The following CSMD1 variants were observed in gnomAD, a reference collection of about 807,000 sequenced individuals.
CSMD1 encodes the protein CUB and sushi domain-containing protein 1.
In CSMD1, 213 loss-of-function variants were observed where a neutral mutation model predicts 417.5. That is an observed-to-expected ratio of 0.51 (90% CI 0.46 to 0.57). The LOEUF is 0.57. Ranked by LOEUF, CSMD1 falls within the 20% of genes least tolerant of loss-of-function variation. The probability of loss-of-function intolerance (pLI) is 0.00; values close to 1 mark genes in which losing one functional copy is unlikely to be tolerated. For synonymous variants in CSMD1, 2,862 were observed against 1,736.8 expected, an observed-to-expected ratio of 1.65 and a Z score of -16.11; for missense variants, 6,923 against 4,529.7, an observed-to-expected ratio of 1.53 and a Z score of -15.17.
At chr8:3,287,040 A>G (rs1338954987) in intron 25 of CSMD1, among the ~76,000 whole-genome samples, 1 of 152,076 alleles carries the variant, frequency 6.6e-6, no homozygotes, top group Non-Finnish European at 1.5e-5. Flanking sequence ...CTTTCTACAT[A>G]TGGCTAGCCA....
intron 10 of CSMD1, among the ~76,000 whole-genome samples, chr8:3,544,834 C>T (rs753124190): frequency 5.3e-5 from 8 of 152,100 alleles, no homozygotes; most frequent in South Asian, 2.1e-4. Flanking sequence ...TGACAAGACA[C>T]GTGCTAGTCC....
At chr8:3,272,329 G>A (rs78730763) in intron 26 of CSMD1, among the ~76,000 whole-genome samples, 2 of 139,418 alleles carry the variant, frequency 1.4e-5, no homozygotes, top group African/African-American at 2.6e-5. Flanking sequence ...TTTTGGTTAC[G>A]GTAGCCTTGT....
At chr8:3,044,745 G>A (rs561081228) in intron 50 of CSMD1, among the ~76,000 whole-genome samples, 1 of 152,256 alleles carries the variant, frequency 6.6e-6, no homozygotes, top group African/African-American at 2.4e-5. Flanking sequence ...AAAAACCTGA[G>A]GGTGAAACGA....
chr8:4,944,517 G>A (rs1022529097), intron 1 of CSMD1, among the ~76,000 whole-genome samples: 4 of 152,140 alleles, frequency 2.6e-5, no homozygotes, highest in African/African-American at 7.2e-5. Flanking sequence ...ACACATCAGA[G>A]ACTCAGACTC....
At chr8:3,480,727 G>A (rs543310447) in intron 11 of CSMD1, among the ~76,000 whole-genome samples, 2 of 152,224 alleles carry the variant, frequency 1.3e-5, no homozygotes, top group South Asian at 4.2e-4. Flanking sequence ...CAATGACAAT[G>A]ATTTTCCCAT....
chr8:4,784,279 G>T (rs538472567), intron 1 of CSMD1, among the ~76,000 whole-genome samples: 12 of 152,312 alleles, frequency 7.9e-5, no homozygotes, highest in Admixed American at 7.8e-4. Flanking sequence ...CCTTCCTCTA[G>T]TTCTATAACT....
At chr8:4,388,208 A>T (rs187042332) in intron 3 of CSMD1, among the ~76,000 whole-genome samples, 11 of 152,258 alleles carry the variant, frequency 7.2e-5, no homozygotes, top group Admixed American at 6.5e-4. Context: ...TACGAAAAAG[A>T]TATTTGCACA....
At position 3,711,071 on chromosome 8, in the gene CSMD1, T is replaced by C. The variant is rs894653181; in HGVS notation, c.932-2580A>G. Among the ~76,000 whole-genome samples the C allele has an allele frequency of 2.0e-5, 3 of 152,106 alleles. No individual in the cohort carries two copies. The South Asian group carries it at 6.2e-4, about 31-fold the overall frequency. ...CTGCCAAGTCTGAGATATTTTCCTA[T>C]AGCAAATGTTTGCTATATTTCCTAT... On this transcript the variant is annotated intron_variant, in intron 6 of 69. Coordinates refer to ENST00000635120, the MANE Select transcript of CSMD1 (RefSeq NM_033225.6).
chr8:3,307,918 T>TATAC, intron 24 of CSMD1, 97 bp from the exon 25 acceptor site: 1 of 1,310,560 alleles, frequency 7.6e-7, no homozygotes, highest in South Asian at 1.5e-5. Flanking sequence ...GTCTGCATTA[T>TATAC]ATACATAGAG....
chr8:3,979,989 G>C (rs564808945), intron 5 of CSMD1, among the ~76,000 whole-genome samples: 1 of 152,316 alleles, frequency 6.6e-6, no homozygotes, highest in East Asian at 1.9e-4. Context: ...GAACTGGGTT[G>C]AACAACTCAC....
chr8:3,720,682 T>C (rs1283669289), intron 6 of CSMD1, among the ~76,000 whole-genome samples: 2 of 150,740 alleles, frequency 1.3e-5, no homozygotes, highest in Non-Finnish European at 2.9e-5. Flanking sequence ...TCATGACCCA[T>C]GGGAAGCTTA....
chr8:4,316,062 C>G lies in CSMD1; in HGVS notation c.415+103891G>C, dbSNP rs572100103. Among the ~76,000 whole-genome samples, 11 of 151,918 alleles carry G rather than the reference C, an allele frequency of 7.2e-5. No homozygotes were observed. The South Asian group carries it at 2.3e-3, about 32-fold the overall frequency. ...TATCCCACTGAGAAATATATGAATC[C>G]TTGAGTAGAAAATAAAATGGGTTAT... is the stretch of plus-strand genomic sequence containing the variant. On this transcript the variant is annotated intron_variant, in intron 3 of 69. Coordinates refer to ENST00000635120, the MANE Select transcript of CSMD1 (RefSeq NM_033225.6).
intron 5 of CSMD1, among the ~76,000 whole-genome samples, chr8:3,966,164 C>G (rs923941136): frequency 6.6e-6 from 1 of 152,106 alleles, no homozygotes; most frequent in African/African-American, 2.4e-5. Flanking sequence ...AATAGGACGG[C>G]AAAGGAGAAA....
At chr8:3,880,676 G>A (rs1186859757) in intron 5 of CSMD1, among the ~76,000 whole-genome samples, 1 of 152,088 alleles carries the variant, frequency 6.6e-6, no homozygotes, top group Non-Finnish European at 1.5e-5. Context: ...AAGGAAGAAA[G>A]CTTTGCACAC....
chr8:4,451,284 A>G (rs942192108), intron 2 of CSMD1, among the ~76,000 whole-genome samples: 1 of 152,082 alleles, frequency 6.6e-6, no homozygotes, highest in Non-Finnish European at 1.5e-5. Context: ...TGATCCAACC[A>G]ATCATGACTC....
chr8:4,337,375 G>T (rs1800231242), intron 3 of CSMD1, among the ~76,000 whole-genome samples: 1 of 151,986 alleles, frequency 6.6e-6, no homozygotes, highest in South Asian at 2.1e-4. Flanking sequence ...AGTCATTTCT[G>T]CCCTTCTTCA....
intron 10 of CSMD1, among the ~76,000 whole-genome samples, chr8:3,504,100 G>A (rs1796723385): frequency 6.6e-6 from 1 of 152,028 alleles, no homozygotes; most frequent in Admixed American, 6.6e-5. Context: ...GAATTTAAAT[G>A]TCTCCAACAC....
At chr8:4,474,709 G>A (rs755621387) in intron 2 of CSMD1, among the ~76,000 whole-genome samples, 3 of 152,022 alleles carry the variant, frequency 2.0e-5, no homozygotes, top group Admixed American at 6.6e-5. Flanking sequence ...TTACTCCCAC[G>A]TGGACTTTCT....
At chr8:4,714,998 G>A (rs973113328) in intron 1 of CSMD1, among the ~76,000 whole-genome samples, 48 of 151,992 alleles carry the variant, frequency 3.2e-4, no homozygotes, top group Admixed American at 1.6e-3. Flanking sequence ...CTCACAGATG[G>A]CAATAATTTC....
Sources: allele counts gnomAD v4.1 joint callset (sites outside exome capture counted in the v4.1 genomes callset), GRCh38; gene constraint gnomAD v4.1.1; transcripts MANE v1.5; gene names NCBI Gene and HGNC (gene_info 2026-07-23, HGNC 2026-07-21).